Variants in CAST observed in about 807,000 individuals in gnomAD.
CAST encodes the protein calpastatin, also known as MIR583 host.
Under a neutral mutation model 119.6 loss-of-function variants are expected in CAST, and 76 were observed. That is an observed-to-expected ratio of 0.64 (90% CI 0.53 to 0.77). The LOEUF is 0.77. Among genes scored for constraint, CAST ranks in the 30% least tolerant of loss-of-function variants. The pLI, the probability that CAST is intolerant of heterozygous loss-of-function variation, is 0.00. For missense variants in CAST, 953 were observed against 946.5 expected, an observed-to-expected ratio of 1.01 and a Z score of -0.09; for synonymous variants, 319 against 331.6, an observed-to-expected ratio of 0.96 and a Z score of 0.41.
At chr5:95,985,354 T>G in the CAST span, among the ~76,000 whole-genome samples, 1 of 152,154 alleles carries the variant, frequency 6.6e-6, no homozygotes, top group Non-Finnish European at 1.5e-5. Flanking sequence ...ATTACCTATG[T>G]GGCTTATGTT....
At chr5:96,134,547 T>C in the CAST span, among the ~76,000 whole-genome samples, 31 of 152,288 alleles carry the variant, frequency 2.0e-4, no homozygotes, top group African/African-American at 7.5e-4. Context: ...CTGAGGCCTG[T>C]TTGCATGAGT....
chr5:96,612,695 T>C (rs1439194798), intron 1 of CAST, among the ~76,000 whole-genome samples: 1 of 152,246 alleles, frequency 6.6e-6, no homozygotes, highest in East Asian at 1.9e-4. Context: ...TTTGGTTTAC[T>C]GGATTTTGTT....
At chr5:96,340,382 G>T in the CAST span, among the ~76,000 whole-genome samples, 1 of 151,878 alleles carries the variant, frequency 6.6e-6, no homozygotes, top group East Asian at 1.9e-4. Flanking sequence ...CCCCACCATG[G>T]TTAACTTGTT....
intron 1 of CAST, among the ~76,000 whole-genome samples, chr5:96,674,028 G>A (rs887122269): frequency 2.0e-5 from 3 of 152,168 alleles, no homozygotes; most frequent in African/African-American, 4.8e-5. Flanking sequence ...AAACACTATC[G>A]AGAAAGGATT....
At chr5:96,123,364 C>T in the CAST span, among the ~76,000 whole-genome samples, 1 of 152,072 alleles carries the variant, frequency 6.6e-6, no homozygotes, top group South Asian at 2.1e-4. Context: ...CCATTTTTTA[C>T]TAACCATGTG....
chr5:96,547,019 A>T (rs1007503346), intron 1 of CAST, among the ~76,000 whole-genome samples: 4 of 152,212 alleles, frequency 2.6e-5, no homozygotes, highest in African/African-American at 4.8e-5. Context: ...ACTGCTTTGG[A>T]TGATCCTTGA....
the CAST span, among the ~76,000 whole-genome samples, chr5:95,985,150 A>T: frequency 6.6e-6 from 1 of 152,092 alleles, no homozygotes; most frequent in Non-Finnish European, 1.5e-5. Context: ...CCATTTCTAC[A>T]CAAAATTTTT....
the CAST span, among the ~76,000 whole-genome samples, chr5:96,470,801 A>G: frequency 6.6e-6 from 1 of 152,038 alleles, no homozygotes; most frequent in Non-Finnish European, 1.5e-5. Context: ...TCTGCTTAGG[A>G]CCTCCAGCTT....
At chr5:96,689,195 C>A (rs1490248362) in intron 2 of CAST, among the ~76,000 whole-genome samples, 2 of 152,166 alleles carry the variant, frequency 1.3e-5, no homozygotes, top group African/African-American at 4.8e-5. Flanking sequence ...AAAAAATACT[C>A]TCCAAAATGT....
the CAST span, among the ~76,000 whole-genome samples, chr5:96,141,125 A>ATTATACATTCAGATAAATGTATATTCG: frequency 3.3e-5 from 5 of 152,228 alleles, no homozygotes; most frequent in African/African-American, 1.2e-4. Context: ...ATGTATATTC[A>ATTATACATTCAGATAAATGTATATTCG]TTATACATTA....
chr5:96,004,521 G>T, the CAST span, among the ~76,000 whole-genome samples: 1 of 152,114 alleles, frequency 6.6e-6, no homozygotes, highest in Admixed American at 6.5e-5. Flanking sequence ...TCCTATGCTG[G>T]TAATTAAATG....
At chr5:96,271,976 A>G in the CAST span, among the ~76,000 whole-genome samples, 11 of 152,240 alleles carry the variant, frequency 7.2e-5, no homozygotes, top group Non-Finnish European at 1.5e-4. Flanking sequence ...TTCTCAATAG[A>G]AGACATACAA....
At chr5:96,104,352 GT>G in the CAST span, among the ~76,000 whole-genome samples, 1 of 152,150 alleles carries the variant, frequency 6.6e-6, no homozygotes, top group East Asian at 1.9e-4. Flanking sequence ...TTCTTCTAGG[GT>G]TTTTATGGTT....
intron 1 of CAST, among the ~76,000 whole-genome samples, chr5:96,639,379 C>T (rs1187994937): frequency 1.3e-5 from 2 of 152,182 alleles, no homozygotes; most frequent in African/African-American, 4.8e-5. Context: ...CTTAGGGCCT[C>T]CTTCCTCCCA....
At chr5:96,649,623 A>C (rs1406425377) in intron 1 of CAST, among the ~76,000 whole-genome samples, 1 of 152,244 alleles carries the variant, frequency 6.6e-6, no homozygotes, top group Non-Finnish European at 1.5e-5. Context: ...GTCTGTTGAA[A>C]GAGTCATAGA....
At chr5:96,531,945 T>C (rs183858186) in intron 1 of CAST, among the ~76,000 whole-genome samples, 1 of 152,116 alleles carries the variant, frequency 6.6e-6, no homozygotes, top group Admixed American at 6.5e-5. Context: ...GTCAAAGAGA[T>C]AGAAAATACT....
chr5:96,104,567 G>C, the CAST span, among the ~76,000 whole-genome samples: 6 of 152,016 alleles, frequency 3.9e-5, no homozygotes, highest in East Asian at 1.9e-4. Flanking sequence ...TTATTTCTGA[G>C]GGCTCTGTTC....
At chr5:96,269,127 A>C in the CAST span, among the ~76,000 whole-genome samples, 1 of 152,208 alleles carries the variant, frequency 6.6e-6, no homozygotes, top group African/African-American at 2.4e-5. Flanking sequence ...TTTTTTAAAA[A>C]TAAATTAGCC....
At chr5:96,576,341 A>AGTTTT (rs949839739) in intron 1 of CAST, among the ~76,000 whole-genome samples, 33 of 151,782 alleles carry the variant, frequency 2.2e-4, no homozygotes, top group Non-Finnish European at 3.4e-4. Flanking sequence ...CTAGATCTAA[A>AGTTTT]GTTTTGTTTT....
Sources: allele counts gnomAD v4.1 joint callset (sites outside exome capture counted in the v4.1 genomes callset), GRCh38; gene constraint gnomAD v4.1.1; transcripts MANE v1.5; gene names NCBI Gene and HGNC (gene_info 2026-07-23, HGNC 2026-07-21).